The following VPS53 variants were observed in gnomAD, a reference collection of about 807,000 sequenced individuals.
VPS53 encodes vacuolar protein sorting-associated protein 53 homolog.
VPS53 carries 70 observed loss-of-function variants against 107.0 expected under a neutral mutation model. The ratio of observed to expected loss-of-function variants is 0.65; its 90% CI spans 0.54 to 0.80. The LOEUF (loss-of-function observed/expected upper bound fraction) is 0.80, where lower values mean the gene tolerates loss of function less well. VPS53 is among the 30% of genes least tolerant of loss of function. The pLI is 0.00. For missense variants in VPS53, 917 were observed against 1,049.4 expected (o/e 0.87, Z 1.74); for synonymous variants, 409 against 393.3 (o/e 1.04, Z -0.47).
At chr17:546,372 C>CAT (rs1326311579) in intron 17 of VPS53, among the ~76,000 whole-genome samples, 1 of 142,762 alleles carries the variant, frequency 7.0e-6, no homozygotes, top group Non-Finnish European at 1.5e-5. Context: ...CACACACACA[C>CAT]ACACGATATA....
intron 12 of VPS53, among the ~76,000 whole-genome samples, chr17:594,234 G>A (rs1967832575): frequency 6.6e-6 from 1 of 152,198 alleles, no homozygotes; most frequent in African/African-American, 2.4e-5. Flanking sequence ...GAGTTTGTGG[G>A]TGCAGCGCAC....
chr17:602,833 G>C (rs1252712165), intron 11 of VPS53, among the ~76,000 whole-genome samples: 2 of 152,208 alleles, frequency 1.3e-5, no homozygotes, highest in South Asian at 2.1e-4. Flanking sequence ...TTTTCACCTA[G>C]AGATGTTGTT....
chr17:705,463 G>T (rs572843626), intron 2 of VPS53, among the ~76,000 whole-genome samples: 41 of 151,954 alleles, frequency 2.7e-4, no homozygotes, highest in African/African-American at 8.2e-4. Flanking sequence ...GGGGCTGGGC[G>T]CGGTGGCTCA....
chr17:685,347 T>C (rs558395322), intron 4 of VPS53, among the ~76,000 whole-genome samples: 2 of 152,300 alleles, frequency 1.3e-5, no homozygotes, highest in East Asian at 3.9e-4. Flanking sequence ...CTTGGGATGG[T>C]TCAACACAGA....
intron 11 of VPS53, among the ~76,000 whole-genome samples, chr17:620,904 G>A (rs116195134): frequency 9.4e-4 from 143 of 152,022 alleles, no homozygotes; most frequent in Non-Finnish European, 1.6e-3. Flanking sequence ...CACCGCACCC[G>A]GCCTCTACAT....
At chr17:679,508 C>T (rs894607247) in intron 4 of VPS53, among the ~76,000 whole-genome samples, 5 of 151,700 alleles carry the variant, frequency 3.3e-5, no homozygotes, top group Non-Finnish European at 5.9e-5. Flanking sequence ...AGCAAGACTC[C>T]GTCTCAAAAA....
intron 12 of VPS53, among the ~76,000 whole-genome samples, chr17:592,863 TC>T: frequency 6.6e-6 from 1 of 152,294 alleles, no homozygotes; most frequent in South Asian, 2.1e-4. Flanking sequence ...CAATTATGTG[TC>T]TTGGTGTTGC....
In VPS53 at chr17:514,980, T is replaced by C. The variant is rs1006769437; in HGVS notation, c.*4148A>G. On this transcript the variant is annotated 3_prime_UTR_variant, in exon 22 of 22. Coordinates refer to ENST00000437048, the MANE Select transcript of VPS53 (RefSeq NM_001128159.3). ...GCGGCTCCTGTTTCATTGTTAAGAG[T>C]CCACACAGGATGTTCTCTGGCCTGG... 3 of 152,002 alleles carry C rather than the reference T, an allele frequency of 2.0e-5. No individual in the cohort carries two copies. Among genetic ancestry groups the C allele is most frequent in the African/African-American group, 7.3e-5 (3 of 41,370 alleles). The allele number at this position is 152,002 out of a possible 1,614,324, so 9.4% of individuals were successfully genotyped here.
chr17:692,189 C>T (rs1972798850), intron 4 of VPS53, among the ~76,000 whole-genome samples: 1 of 152,160 alleles, frequency 6.6e-6, no homozygotes. Context: ...TTTTCTTCCT[C>T]TAACCCGCCC....
chr17:643,851 G>T (rs67588070), intron 7 of VPS53, among the ~76,000 whole-genome samples: 5,496 of 152,174 alleles, frequency 0.036, 137 homozygotes, highest in East Asian at 0.07. Flanking sequence ...ACACTCATAC[G>T]TGTCAACCCA....
At chr17:525,735 T>C (rs2151798303) in intron 19 of VPS53, among the ~76,000 whole-genome samples, 1 of 151,814 alleles carries the variant, frequency 6.6e-6, no homozygotes, top group East Asian at 1.9e-4. Flanking sequence ...CGGTGTCTCA[T>C]GCCTGCAATC....
chr17:617,027 C>A (rs1170756861), intron 11 of VPS53, among the ~76,000 whole-genome samples: 1 of 152,194 alleles, frequency 6.6e-6, no homozygotes, highest in African/African-American at 2.4e-5. Flanking sequence ...TGGCTCAAAA[C>A]AAGTGCTTGG....
chr17:532,952 C>T, intron 18 of VPS53, 41 bp from the exon 19 acceptor site: 1 of 1,595,062 alleles, frequency 6.3e-7, no homozygotes, highest in Non-Finnish European at 8.6e-7. Flanking sequence ...CTTATTCTCT[C>T]TTGAGGAAAG....
intron 3 of VPS53, 49 bp downstream of exon 3, chr17:699,282 T>A (rs768300325): frequency 1.4e-6 from 2 of 1,413,236 alleles, no homozygotes; most frequent in Non-Finnish European, 1.9e-6. Context: ...TTAACTAAAT[T>A]AACAATATAC....
In VPS53 at chr17:601,898, T is replaced by C; in HGVS notation, c.1117-2A>G. On this transcript the variant is annotated splice_acceptor_variant, in intron 11 of 21. Coordinates refer to ENST00000437048, the MANE Select transcript of VPS53 (RefSeq NM_001128159.3). LOFTEE classifies it high-confidence loss of function. ...TGGGGGTGGAGACTCAAGCTTTTTC[T>C]GTTAGGTAGATATGAGAAAGAGAAG... 1 of 1,578,106 alleles carries C rather than the reference T, an allele frequency of 6.3e-7. No individual in the cohort carries two copies. The highest frequency in any genetic ancestry group is 8.6e-7 in the Non-Finnish European group (1 of 1,161,588).
At chr17:607,813 T>A (rs1345508916) in intron 11 of VPS53, among the ~76,000 whole-genome samples, 3 of 152,146 alleles carry the variant, frequency 2.0e-5, no homozygotes, top group Non-Finnish European at 4.4e-5. Context: ...CACAGGGGAT[T>A]CCCAGCACCT....
chr17:608,290 C>A (rs1216559916), intron 11 of VPS53, among the ~76,000 whole-genome samples: 1 of 152,166 alleles, frequency 6.6e-6, no homozygotes, highest in Non-Finnish European at 1.5e-5. Context: ...TCCAATTTCT[C>A]ATCTTTTCCA....
intron 9 of VPS53, 94 bp from the exon 10 acceptor site, chr17:627,410 G>A (rs1969760527): frequency 2.9e-6 from 4 of 1,377,618 alleles, no homozygotes; most frequent in Non-Finnish European, 2.9e-6. Flanking sequence ...AAGCAAAAGG[G>A]AACCAACCTC....
rs1968954788 is a variant in VPS53 at position 612,844 on chromosome 17, ACAG to A, written c.1116+10686_1116+10688del. On this transcript the variant is annotated intron_variant, in intron 11 of 21. Transcript: ENST00000437048. ...ACAGTGAAAACCTGTACAGATACTCACAGCAGTATTCAAATAGTGAATTCACAC... is the reference window on the plus strand; with the variant it reads ...ACAGTGAAAACCTGTACAGATACTCACAGTATTCAAATAGTGAATTCACAC... Among the ~76,000 whole-genome samples, 3 of 151,204 alleles carry A rather than the reference ACAG, an allele frequency of 2.0e-5. No homozygotes were observed. In the South Asian group the frequency reaches 6.3e-4, roughly 32 times the overall value.
Sources: allele counts gnomAD v4.1 joint callset (sites outside exome capture counted in the v4.1 genomes callset), GRCh38; gene constraint gnomAD v4.1.1; transcripts MANE v1.5; gene names NCBI Gene and HGNC (gene_info 2026-07-23, HGNC 2026-07-21).